RAET1E: variants seen among roughly 807,000 people sequenced by gnomAD.
RAET1E encodes the protein retinoic acid early transcript 1E, also known as NKG2D ligand 4.
In RAET1E, 27 loss-of-function variants were observed where a neutral mutation model predicts 21.1. The ratio of observed to expected loss-of-function variants is 1.28; its 90% confidence interval spans 0.94 to 1.76. RAET1E has a LOEUF of 1.76. Ranked by LOEUF, RAET1E falls within the 40% of genes most tolerant of loss-of-function variation. RAET1E has a pLI of 0.00. For synonymous variants in RAET1E, 113 were observed against 115.0 expected (o/e 0.98, Z 0.11); for missense variants, 310 against 311.3 (o/e 1.00, Z 0.03).
At chr6:149,889,733 G>T (rs1777792149) in intron 4 of RAET1E, 110 bp from the exon 5 acceptor site, 1 of 1,501,990 alleles carries the variant, frequency 6.7e-7, no homozygotes, top group Non-Finnish European at 9.1e-7. Context: ...TTTCTGCCCA[G>T]ACTTGCCCTT....
chr6:149,894,782 G>A (rs1562469357), intron 2 of RAET1E, among the ~76,000 whole-genome samples: 1 of 152,110 alleles, frequency 6.6e-6, no homozygotes, highest in Non-Finnish European at 1.5e-5. Flanking sequence ...CTGTTAGTTC[G>A]TGAAACTCAT....
intron 2 of RAET1E, among the ~76,000 whole-genome samples, chr6:149,894,727 T>G (rs1778046548): frequency 6.6e-6 from 1 of 152,168 alleles, no homozygotes. Flanking sequence ...ACATGCTCCT[T>G]TAGCTTGGAG....
rs748485446 is a variant in RAET1E, at chr6:149,889,528, G to T, written c.442C>A (p.Leu148Ile). The change falls in exon 5 of 6, where the codon CTC becomes ATC. Residue 148 changes from leucine (L) to isoleucine (I), a missense_variant. Physicochemically the swap from Leu to Ile is conservative, Grantham distance 5 (BLOSUM62 2). Coordinates refer to ENST00000357183, the MANE Select transcript of RAET1E (RefSeq NM_001394057.1). ...WQFATNGEKS[L>I]LFDAMNMTWT... is the part of the protein sequence containing the mutation. ...GTCATGTTCATTGCGTCAAAGAGGAGGGATTTCTCTCCATTGGTGGCGAAC... is the reference window on the plus strand; with the variant it reads ...GTCATGTTCATTGCGTCAAAGAGGATGGATTTCTCTCCATTGGTGGCGAAC... 1.2e-6 allele frequency: 2 copies of T among 1,614,154 alleles called. No homozygotes were observed. Among genetic ancestry groups the T allele is most frequent in the South Asian group, 2.2e-5 (2 of 91,078 alleles).
rs1378214003 is a variant in RAET1E, at chr6:149,885,715, G to A, written c.*2783C>T. The A allele has an allele frequency of 1.3e-5, 2 of 152,304 alleles. No individual in the cohort carries two copies. Among genetic ancestry groups the A allele is most frequent in the African/African-American group, 4.8e-5 (2 of 41,446 alleles). The allele number at this position is 152,304 out of a possible 1,614,324, so 9.4% of individuals were successfully genotyped here. ...GTGGTTGGGGACATGGATGGTTGAG[G>A]TGAAATGGAACAGAAGAGTGCAGGT... On this transcript the variant is annotated 3_prime_UTR_variant, in exon 6 of 6. Coordinates refer to ENST00000357183, the MANE Select transcript of RAET1E (RefSeq NM_001394057.1).
At chr6:149,890,189 G>T in intron 3 of RAET1E, 44 bp from the exon 4 acceptor site, 1 of 1,605,672 alleles carries the variant, frequency 6.2e-7, no homozygotes, top group Non-Finnish European at 8.5e-7. Flanking sequence ...AGGGGAAGAG[G>T]CCCATTAGAA....
chr6:149,892,781 A>G (rs925106994), intron 2 of RAET1E, among the ~76,000 whole-genome samples: 2 of 152,234 alleles, frequency 1.3e-5, no homozygotes, highest in African/African-American at 4.8e-5. Context: ...GTCTTTGCCC[A>G]TGCCTATATC....
In RAET1E at chr6:149,884,702, C is replaced by T. The variant is rs1777532696; in HGVS notation, c.*3796G>A. On this transcript the variant is annotated 3_prime_UTR_variant, in exon 6 of 6. Coordinates refer to ENST00000357183, the MANE Select transcript of RAET1E (RefSeq NM_001394057.1). ...TTCATCATTAGTTAGACCCAGACCCCAGCAGAGATTTTAGGGGTTCAGAGC... is the reference window on the plus strand; with the variant it reads ...TTCATCATTAGTTAGACCCAGACCCTAGCAGAGATTTTAGGGGTTCAGAGC... 6.6e-6 allele frequency among the ~76,000 whole-genome samples: 1 copy of T among 152,182 alleles called. No homozygotes were observed. Among genetic ancestry groups the T allele is most frequent in the African/African-American group, 2.4e-5 (1 of 41,430 alleles).
At chr6:149,890,249 G>T (rs894463071) in intron 3 of RAET1E, 104 bp from the exon 4 acceptor site, 5 of 1,293,878 alleles carry the variant, frequency 3.9e-6, no homozygotes, top group Non-Finnish European at 5.4e-6. Context: ...GGCTAGCAGA[G>T]GCGGGGCAGC....
Position 149,890,874 on chromosome 6 carries a change from G to C in RAET1E, c.28C>G (p.Pro10Ala). The change falls in exon 3 of 6, where the codon CCT (proline) becomes GCT (alanine). Residue 10 changes from proline (P) to alanine (A), a missense_variant. By Grantham distance (27) the Pro-to-Ala change is conservative. Transcript: ENST00000357183. ...AGCAGAAACAAAAGAAGGCGCACAG[G>C]GCTAGAAGTCAGGGATATTCTTCGC... MRRISLTSS[P>A]VRLLLFLLLL... 6.2e-7 allele frequency: 1 copy of C among 1,613,384 alleles called. No individual in the cohort carries two copies. The highest frequency in any genetic ancestry group is 1.3e-5 in the African/African-American group (1 of 74,974).
At chr6:149,897,165 TGGCACTACA>T (rs1248988805) in intron 1 of RAET1E, among the ~76,000 whole-genome samples, 1 of 152,164 alleles carries the variant, frequency 6.6e-6, no homozygotes, top group Non-Finnish European at 1.5e-5. Context: ...CCAGAATAGC[TGGCACTACA>T]GGCATGAGCC....
In RAET1E at chr6:149,897,756, G is replaced by A. The variant is rs539979471; in HGVS notation, c.-321+265C>T. On this transcript the variant is annotated intron_variant, in intron 1 of 5. Transcript: ENST00000357183. ...TGTCCCCCAAATTGGAGAGAGGGGC[G>A]ATTGGGACTCCAGACTGGAAGGAGG... Among the ~76,000 whole-genome samples the A allele has an allele frequency of 5.9e-5, 9 of 152,232 alleles. No individual in the cohort carries two copies. In the South Asian group the frequency reaches 1.5e-3, roughly 25 times the overall value.
chr6:149,892,603 T>C (rs949451618), intron 2 of RAET1E, among the ~76,000 whole-genome samples: 1 of 152,224 alleles, frequency 6.6e-6, no homozygotes, highest in Non-Finnish European at 1.5e-5. Context: ...TTCTGGATAT[T>C]AGCCCCTTGT....
intron 2 of RAET1E, among the ~76,000 whole-genome samples, chr6:149,894,478 T>A (rs1778035831): frequency 6.6e-6 from 1 of 152,178 alleles, no homozygotes; most frequent in Non-Finnish European, 1.5e-5. Flanking sequence ...TCATTCCTTT[T>A]TATTCTTTTT....
Position 149,886,940 on chromosome 6 carries a change from A to G in RAET1E, c.*1558T>C, listed in dbSNP as rs184657569. Among the ~76,000 whole-genome samples, 1 of 152,320 alleles carries G rather than the reference A, an allele frequency of 6.6e-6. No homozygotes were observed. Among genetic ancestry groups the G allele is most frequent in the Admixed American group, 6.5e-5 (1 of 15,296 alleles). ...CCCGTGACAGAGAAATCCATGCGAC[A>G]CAGTGGGGAGGCCCTCCCCAAAGGG... On this transcript the variant is annotated 3_prime_UTR_variant, in exon 6 of 6. Transcript: ENST00000357183.
chr6:149,893,306 C>T (rs899495934), intron 2 of RAET1E, among the ~76,000 whole-genome samples: 1 of 152,178 alleles, frequency 6.6e-6, no homozygotes, highest in Non-Finnish European at 1.5e-5. Context: ...TGGCCATTTT[C>T]ACGATATTAG....
chr6:149,889,995 T>C lies in RAET1E; in HGVS notation c.236A>G (p.Lys79Arg), dbSNP rs1410221876. ...CCAAGTGCTGGTGGCATATACCTTC[T>C]TCCCCAGGAGGCCCAGAGGTTTGAC... ...NMVKPLGLLG[K>R]KVYATSTWGE... is the part of the protein sequence containing the mutation. The change falls in exon 4 of 6, where the codon AAG becomes AGG. Residue 79 changes from lysine (K) to arginine (R), a missense_variant. Physicochemically the swap from Lys to Arg is conservative, Grantham distance 26 (BLOSUM62 2). Coordinates refer to ENST00000357183, the MANE Select transcript of RAET1E (RefSeq NM_001394057.1). 6.2e-7 allele frequency: 1 copy of C among 1,614,150 alleles called. No homozygotes were observed.
rs1260455991 is a variant in RAET1E, at chr6:149,884,929, G to C, written c.*3569C>G. ...AAAGGAATCCCACCTTCTAGTCCTT[G>C]CTGTCCTCACAGAGTGTCTAGGGTT... On this transcript the variant is annotated 3_prime_UTR_variant, in exon 6 of 6. Coordinates refer to ENST00000357183, the MANE Select transcript of RAET1E (RefSeq NM_001394057.1). Among the ~76,000 whole-genome samples the C allele has an allele frequency of 1.3e-5, 2 of 152,140 alleles. No homozygotes were observed. The highest frequency in any genetic ancestry group is 2.4e-5 in the African/African-American group (1 of 41,418).
rs3036672 is a variant in RAET1E at position 149,888,669 on chromosome 6, T to TA, written c.623-3dup. Reference sequence around the variant, plus strand: ...TATCTGAAGCATTTACTGGTGACACTAAAAAAAAAAAAAAAAAGAAAAAAA... The same window carrying TA: ...TATCTGAAGCATTTACTGGTGACACTAAAAAAAAAAAAAAAAAAGAAAAAAA... On this transcript the variant is annotated splice_polypyrimidine_tract_variant and splice_region_variant and intron_variant, in intron 5 of 5. Coordinates refer to ENST00000357183, the MANE Select transcript of RAET1E (RefSeq NM_001394057.1). 66,602 of 1,315,128 alleles carry TA rather than the reference T, an allele frequency of 0.051. 615 individuals carry two copies. Among genetic ancestry groups the TA allele is most frequent in the African/African-American group, 0.14 (7,053 of 49,754 alleles). 81.5% of individuals were successfully genotyped at this position (1,315,128 alleles called of 1,614,324 possible).
intron 2 of RAET1E, among the ~76,000 whole-genome samples, chr6:149,893,920 G>A (rs185941714): frequency 7.2e-5 from 11 of 152,294 alleles, no homozygotes; most frequent in Admixed American, 7.2e-4. Flanking sequence ...AAGTGGTGTT[G>A]AATTTTATCA....
Sources: allele counts gnomAD v4.1 joint callset (sites outside exome capture counted in the v4.1 genomes callset), GRCh38; gene constraint gnomAD v4.1.1; transcripts MANE v1.5; gene names NCBI Gene and HGNC (gene_info 2026-07-23, HGNC 2026-07-21).